HPGD: variants seen among roughly 807,000 people sequenced by gnomAD.
The protein encoded by HPGD is 15-hydroxyprostaglandin dehydrogenase, also known as 15-hydroxyprostaglandin dehydrogenase [NAD(+)].
HPGD carries 29 observed loss-of-function variants against 30.0 expected under a neutral mutation model. The observed-to-expected ratio is 0.97, with a 90% confidence interval of 0.72 to 1.32. HPGD has a LOEUF of 1.32. Ranked by LOEUF, HPGD falls within the 40% of genes most tolerant of loss-of-function variation. The probability of loss-of-function intolerance (pLI) is 0.00; values close to 1 mark genes in which losing one functional copy is unlikely to be tolerated. For missense variants in HPGD, 340 were observed against 322.1 expected, an observed-to-expected ratio of 1.06 and a Z score of -0.43; for synonymous variants, 99 against 112.4, an observed-to-expected ratio of 0.88 and a Z score of 0.75.
Position 174,495,643 on chromosome 4 carries a change from A to T in HPGD, c.422-19T>A. Reference sequence around the variant, plus strand: ...ATGAGTCCTGAAACAGACAAATATAACATTTAAATGCTTTGATGAAAAAAT... The same window carrying T: ...ATGAGTCCTGAAACAGACAAATATATCATTTAAATGCTTTGATGAAAAAAT... On this transcript the variant is annotated intron_variant, in intron 4 of 6. Coordinates refer to ENST00000296522, the MANE Select transcript of HPGD (RefSeq NM_000860.6). The T allele has an allele frequency of 1.9e-6, 3 of 1,573,504 alleles. No individual in the cohort carries two copies. Among genetic ancestry groups the T allele is most frequent in the Non-Finnish European group, 2.6e-6 (3 of 1,143,228 alleles).
chr4:174,520,806 C>A (rs1359906916), intron 2 of HPGD, among the ~76,000 whole-genome samples: 1 of 152,150 alleles, frequency 6.6e-6, no homozygotes, highest in African/African-American at 2.4e-5. Flanking sequence ...ACATAATTGT[C>A]CTCTGGTACA....
intron 2 of HPGD, among the ~76,000 whole-genome samples, chr4:174,520,643 A>G (rs1736056998): frequency 6.6e-6 from 1 of 152,276 alleles, no homozygotes; most frequent in African/African-American, 2.4e-5. Flanking sequence ...AAATACTGGG[A>G]AAAAAACAAT....
In HPGD at chr4:174,491,322, G is replaced by A. The variant is rs1342007863; in HGVS notation, c.*634C>T. On this transcript the variant is annotated 3_prime_UTR_variant, in exon 7 of 7. Coordinates refer to ENST00000296522, the MANE Select transcript of HPGD (RefSeq NM_000860.6). The stretch of plus-strand genomic sequence containing the variant: ...GGAAAGAAATGTCTTTCCCAGATAG[G>A]AGGCTGAACTGTGAATCAACAGTGT... The A allele has an allele frequency of 6.6e-6, 1 of 152,654 alleles. No homozygotes were observed. The highest frequency in any genetic ancestry group is 1.9e-4 in the East Asian group (1 of 5,354). The allele number at this position is 152,654 out of a possible 1,614,324, so 9.5% of individuals were successfully genotyped here.
chr4:174,491,651 G>A lies in HPGD; in HGVS notation c.*305C>T, dbSNP rs1186613958. The A allele has an allele frequency of 3.5e-6, 1 of 289,160 alleles. No individual in the cohort carries two copies. Among genetic ancestry groups the A allele is most frequent in the African/African-American group, 2.2e-5 (1 of 46,228 alleles). The allele number at this position is 289,160 out of a possible 1,614,324, so 17.9% of individuals were successfully genotyped here. On this transcript the variant is annotated 3_prime_UTR_variant, in exon 7 of 7. Coordinates refer to ENST00000296522, the MANE Select transcript of HPGD (RefSeq NM_000860.6). ...TGTTCTGAAGAACATTAATATTTAT[G>A]AAGCACAGATATAAATACACTTTCT...
chr4:174,498,656 A>G (rs1317174722), intron 4 of HPGD, among the ~76,000 whole-genome samples: 1 of 152,062 alleles, frequency 6.6e-6, no homozygotes, highest in Non-Finnish European at 1.5e-5. Context: ...CCATGTTGTA[A>G]TGTGTAAGGA....
At chr4:174,502,639 C>A (rs35548162) in intron 4 of HPGD, among the ~76,000 whole-genome samples, 23,394 of 142,812 alleles carry the variant, frequency 0.16, 2,561 homozygotes, top group East Asian at 0.53. Context: ...GATTGCGCCA[C>A]CGCACTCCAG....
At chr4:174,508,867 A>G (rs1735326704) in intron 3 of HPGD, 75 bp from the exon 4 acceptor site, 1 of 820,728 alleles carries the variant, frequency 1.2e-6, no homozygotes, top group African/African-American at 1.7e-5. Context: ...CAAAGTTTTT[A>G]TAGCTATTCC....
intron 3 of HPGD, among the ~76,000 whole-genome samples, chr4:174,509,158 T>G (rs1735340819): frequency 6.6e-6 from 1 of 152,230 alleles, no homozygotes; most frequent in South Asian, 2.1e-4. Context: ...TTTACCCTTC[T>G]TCTCTGCATA....
rs767847182 is a variant in HPGD, at chr4:174,521,926, T to C, written c.217+18A>G. 9 of 1,613,984 alleles carry C rather than the reference T, an allele frequency of 5.6e-6. No individual in the cohort carries two copies. The highest frequency in any genetic ancestry group is 1.7e-5 in the Admixed American group (1 of 60,028). On this transcript the variant is annotated intron_variant, in intron 2 of 6. Coordinates refer to ENST00000296522, the MANE Select transcript of HPGD (RefSeq NM_000860.6). ...TGAGAGCACGTTCCCAGTTGACAGA[T>C]TGATTCCCCTGTCTTACCTCTCAGT...
At position 174,490,778 on chromosome 4, in the gene HPGD, G is replaced by GTTA. The variant is rs1246967068; in HGVS notation, c.*1175_*1177dup. On this transcript the variant is annotated 3_prime_UTR_variant, in exon 7 of 7. Transcript: ENST00000296522. This position sits in a 1 kb window ranked among gnomAD's most constrained non-coding sequence, Gnocchi z 4.4. Reference sequence around the variant, plus strand: ...TTGGCTTCAAGCTGGGAGGTCTGGAGTTAGCAGACAGGATGAGTCACTTAT... The same window carrying GTTA: ...TTGGCTTCAAGCTGGGAGGTCTGGAGTTATTAGCAGACAGGATGAGTCACTTAT... 6.6e-6 allele frequency: 1 copy of GTTA among 152,294 alleles called. No individual in the cohort carries two copies. The highest frequency in any genetic ancestry group is 1.5e-5 in the Non-Finnish European group (1 of 67,998). The allele number at this position is 152,294 out of a possible 1,614,324, so 9.4% of individuals were successfully genotyped here.
At chr4:174,519,938 A>G in intron 2 of HPGD, among the ~76,000 whole-genome samples, 1 of 152,122 alleles carries the variant, frequency 6.6e-6, no homozygotes, top group East Asian at 1.9e-4. Flanking sequence ...AACTGCTGGG[A>G]TTACAAGCGT....
chr4:174,515,357 T>C (rs1239518329), intron 3 of HPGD, among the ~76,000 whole-genome samples: 1 of 152,054 alleles, frequency 6.6e-6, no homozygotes, highest in Non-Finnish European at 1.5e-5. Context: ...GAAATAAGGC[T>C]GTACACCTAC....
chr4:174,518,039 CCA>C lies in HPGD; in HGVS notation c.254_255del (p.Leu85ArgfsTer6), dbSNP rs1560989437. Reference sequence around the variant, plus strand: ...ACTCCAGCATTATTGACCAAAATGTCCAGTCTTCCAAAGTGGTCTACAACTTT... The same window carrying C: ...ACTCCAGCATTATTGACCAAAATGTCGTCTTCCAAAGTGGTCTACAACTTT... The part of the protein sequence containing the change: ...FRKVVDHFGR[L>X]DILVNNAGVN... On this transcript the variant is annotated frameshift_variant, in exon 3 of 7. Transcript: ENST00000296522. LOFTEE classifies it high-confidence loss of function. The C allele has an allele frequency of 6.2e-7, 1 of 1,604,408 alleles. No homozygotes were observed. The highest frequency in any genetic ancestry group is 8.5e-7 in the Non-Finnish European group (1 of 1,171,506).
upstream of HPGD, chr4:174,522,857 T>C (rs1736240977): frequency 6.0e-6 from 1 of 166,604 alleles, no homozygotes; most frequent in Non-Finnish European, 1.3e-5. Context: ...CTGCACTCCC[T>C]CCCGGCCCCG....
At chr4:174,519,922 C>T (rs1259265991) in intron 2 of HPGD, among the ~76,000 whole-genome samples, 2 of 152,176 alleles carry the variant, frequency 1.3e-5, no homozygotes, top group African/African-American at 4.8e-5. Flanking sequence ...CCGCCTCGGC[C>T]TCCCAAACTG....
intron 2 of HPGD, among the ~76,000 whole-genome samples, chr4:174,519,470 C>G (rs1439459096): frequency 6.6e-6 from 1 of 152,152 alleles, no homozygotes; most frequent in African/African-American, 2.4e-5. Context: ...GCCATTATAT[C>G]CCCTGTGACC....
intron 4 of HPGD, chr4:174,507,797 AT>A: frequency 3.9e-6 from 1 of 259,306 alleles, no homozygotes; most frequent in Non-Finnish European, 7.3e-6. Flanking sequence ...TAAGGCTAGT[AT>A]TGAAGGATAA....
chr4:174,491,468 G>A lies in HPGD; in HGVS notation c.*488C>T, dbSNP rs1196049194. 6.1e-6 allele frequency: 1 copy of A among 164,904 alleles called. No individual in the cohort carries two copies. Among genetic ancestry groups the A allele is most frequent in the East Asian group, 1.7e-4 (1 of 5,930 alleles). 10.2% of individuals were successfully genotyped at this position (164,904 alleles called of 1,614,324 possible). A position where few individuals can be genotyped will look rare whatever the true frequency, so the allele number is the denominator to read the frequency against. ...ACTCTAAGAAGCTCTTGGAAGAACTGAAATGTTCAGTTGAAAGATGGTATA... is the reference window on the plus strand; with the variant it reads ...ACTCTAAGAAGCTCTTGGAAGAACTAAAATGTTCAGTTGAAAGATGGTATA... On this transcript the variant is annotated 3_prime_UTR_variant, in exon 7 of 7. Coordinates refer to ENST00000296522, the MANE Select transcript of HPGD (RefSeq NM_000860.6).
rs1378577803 is a variant in HPGD, at chr4:174,495,339, T to C, written c.498+209A>G. 6 of 589,502 alleles carry C rather than the reference T, an allele frequency of 1.0e-5. No individual in the cohort carries two copies. The East Asian group carries it at 1.7e-4, about 17-fold the overall frequency. The allele number at this position is 589,502 out of a possible 1,614,324, so 36.5% of individuals were successfully genotyped here. A position where few individuals can be genotyped will look rare whatever the true frequency, so the allele number is the denominator to read the frequency against. ...TAATACATTTTTTTTAAATAACACA[T>C]CTGTATTTAGAATCCACTTCATTTA... On this transcript the variant is annotated intron_variant, in intron 5 of 6. Transcript: ENST00000296522.
Sources: gnomAD v4.1 joint callset for allele counts (sites outside exome capture counted in the v4.1 genomes callset) on GRCh38, gnomAD v4.1.1 for gene constraint, Gnocchi (gnomAD v3.1) non-coding constraint, MANE v1.5 for transcripts, NCBI Gene and HGNC (gene_info 2026-07-23, HGNC 2026-07-21) for gene names.